Variants in TTN observed in about 807,000 individuals in gnomAD.
The protein encoded by TTN is titin, also known as connectin.
A neutral mutation model predicts 3,223.0 loss-of-function variants in TTN; 1,525 were observed. The observed-to-expected ratio is 0.47, with a 90% confidence interval of 0.45 to 0.49. The LOEUF is 0.49. TTN is among the 20% of genes least tolerant of loss of function. The probability of loss-of-function intolerance (pLI) is 0.00; values close to 1 mark genes in which losing one functional copy is unlikely to be tolerated. For synonymous variants in TTN, 14,094 were observed against 15,161.0 expected (o/e 0.93, Z 5.17); for missense variants, 40,786 against 43,424.0 (o/e 0.94, Z 5.40).
Position 178,599,147 on chromosome 2 carries a change from G to C in TTN, c.56646C>G (p.Phe18882Leu), listed in dbSNP as rs750861819. 1.3e-6 allele frequency: 2 copies of C among 1,508,548 alleles called. No homozygotes were observed. Among genetic ancestry groups the C allele is most frequent in the Non-Finnish European group, 1.8e-6 (2 of 1,132,428 alleles). 93.4% of individuals were successfully genotyped at this position (1,508,548 alleles called of 1,614,324 possible). A position where few individuals can be genotyped will look rare whatever the true frequency, so the allele number is the denominator to read the frequency against. ...ATGTGAAAATGTTCTCCTACTTACA[G>C]AAGAGGTTTCTTGCTGTTTCAGGTT... ...DSEPETARNL[F>L]SVPGAPDKPT... The change falls in exon 290 of 363, where the codon TTC becomes TTG. Residue 18882 changes from phenylalanine to leucine, a missense_variant and splice_region_variant. Coordinates refer to ENST00000589042, the MANE Select transcript of TTN (RefSeq NM_001267550.2).
Position 178,795,248 on chromosome 2 carries a change from C to T in TTN, c.919G>A (p.Val307Met), listed in dbSNP as rs371056974. The T allele has an allele frequency of 2.7e-5, 43 of 1,613,936 alleles. No individual in the cohort carries two copies. Among genetic ancestry groups the T allele is most frequent in the Admixed American group, 1.0e-4 (6 of 60,000 alleles). The change falls in exon 7 of 363, where the codon GTG becomes ATG. Residue 307 changes from valine (V) to methionine (M), a missense_variant. Physicochemically the swap from Val to Met is conservative, Grantham distance 21. Coordinates refer to ENST00000589042, the MANE Select transcript of TTN (RefSeq NM_001267550.2). ...GTGGAGATTCTTGCTGCTGGAGACA[C>T]GGACCTGAAAACCAAAAGGCAGAGG... is the stretch of plus-strand genomic sequence containing the variant. Reference protein sequence around the residue: ...RAPTPSPVRSVSPAARISTSP... With the variant: ...RAPTPSPVRSMSPAARISTSP...
Position 178,714,105 on chromosome 2 carries a change from A to G in TTN, c.26553T>C (p.Cys8851=), listed in dbSNP as rs1553895388. 1.9e-6 allele frequency: 3 copies of G among 1,613,746 alleles called. No homozygotes were observed. Among genetic ancestry groups the G allele is most frequent in the East Asian group, 2.2e-5 (1 of 44,858 alleles). ...TGAGTTCAGGGGTGCCAGCTACTGT[A>G]CACTCCAAGGTACAGGTGTCTCCCG... The part of the protein sequence containing the change: ...VTTGDTCTLE[C]TVAGTPELST... Residue 8851 remains cysteine (C), a synonymous_variant, in exon 92 of 363, where the codon TGT becomes TGC. Coordinates refer to ENST00000589042, the MANE Select transcript of TTN (RefSeq NM_001267550.2).
rs1466390296 is a variant in TTN, at chr2:178,539,707, G to T, written c.98358C>A (p.Val32786=). ...VLENKCGKKA[V]YIKVRVIGSP... ...TTCCTATCACCCTGACCTTGATGTA[G>T]ACAGCCTTCTTGCCACATTTATTTT... Residue 32786 remains valine, a synonymous_variant, in exon 352 of 363, where the codon GTC becomes GTA. Transcript: ENST00000589042. The T allele has an allele frequency of 4.3e-6, 7 of 1,613,764 alleles. No individual in the cohort carries two copies. The South Asian group carries it at 7.7e-5, about 18-fold the overall frequency.
chr2:178,746,948 G>C (rs765715963), intron 47 of TTN: 18 of 1,613,532 alleles, frequency 1.1e-5, no homozygotes, highest in Admixed American at 1.7e-5. Context: ...CTCTTCTGTA[G>C]GTGTGTAGAA....
chr2:178,723,268 T>C lies in TTN; in HGVS notation c.21739A>G (p.Ile7247Val). 6.2e-7 allele frequency: 1 copy of C among 1,613,566 alleles called. No individual in the cohort carries two copies. Among genetic ancestry groups the C allele is most frequent in the Non-Finnish European group, 8.5e-7 (1 of 1,179,648 alleles). ...SDHSVEPGKS[I>V]ILESTYTGTL... is the part of the protein sequence containing the mutation. The stretch of plus-strand genomic sequence containing the variant: ...CCAGTGTAGGTGCTCTCCAGAATTA[T>C]GGACTTCCCTGGTTCTACAGAATGA... Residue 7247 changes from isoleucine to valine, a missense_variant, in exon 75 of 363, where the codon ATA becomes GTA. Physicochemically the swap from Ile to Val is conservative, Grantham distance 29. Coordinates refer to ENST00000589042, the MANE Select transcript of TTN (RefSeq NM_001267550.2).
At position 178,572,445 on chromosome 2, in the gene TTN, T is replaced by C; in HGVS notation, c.73687A>G (p.Arg24563Gly). Residue 24563 changes from arginine to glycine, a missense_variant, in exon 326 of 363, where the codon AGA (arginine) becomes GGA (glycine). Arg to Gly is a moderately radical substitution (Grantham distance 125). Coordinates refer to ENST00000589042, the MANE Select transcript of TTN (RefSeq NM_001267550.2). Reference sequence around the variant, plus strand: ...GTTGCAACAGTTGAATATGCTTTTCTTGTTGATTCCCGCTTTTCAACAATA... The same window carrying C: ...GTTGCAACAGTTGAATATGCTTTTCCTGTTGATTCCCGCTTTTCAACAATA... ...NYIVEKREST[R>G]KAYSTVATNC... is the part of the protein sequence containing the mutation. 6.2e-7 allele frequency: 1 copy of C among 1,612,604 alleles called. No homozygotes were observed. Among genetic ancestry groups the C allele is most frequent in the Non-Finnish European group, 8.5e-7 (1 of 1,178,904 alleles).
Position 178,751,319 on chromosome 2 carries a change from A to G in TTN, c.11311+1805T>C, listed in dbSNP as rs376765408. 3.7e-6 allele frequency: 6 copies of G among 1,610,308 alleles called. 1 individual carries two copies. Among genetic ancestry groups the G allele is most frequent in the Middle Eastern group, 3.3e-4 (2 of 6,050 alleles). ...CAACTTCACTTTGGTCTCCTTGTCC[A>G]GGAAACTTTCACCTACATTAAGCCA... On this transcript the variant is annotated intron_variant, in intron 47 of 362. Coordinates refer to ENST00000589042, the MANE Select transcript of TTN (RefSeq NM_001267550.2).
At position 178,682,776 on chromosome 2, in the gene TTN, T is replaced by G. The variant is rs369298371; in HGVS notation, c.33015A>C (p.Pro11005=). 7.1e-5 allele frequency: 114 copies of G among 1,612,990 alleles called. No homozygotes were observed. The highest frequency in any genetic ancestry group is 8.9e-5 in the Non-Finnish European group (105 of 1,179,298). ...YDYKEFEEYE[P]TEEYDQYEEY... Reference sequence around the variant, plus strand: ...CTTCATATTGGTCATATTCTTCTGTTGGTTCATACTCCTCAAATTCTTTAT... The same window carrying G: ...CTTCATATTGGTCATATTCTTCTGTGGGTTCATACTCCTCAAATTCTTTAT... Residue 11005 remains proline (P), a synonymous_variant, in exon 135 of 363, where the codon CCA becomes CCC. Coordinates refer to ENST00000589042, the MANE Select transcript of TTN (RefSeq NM_001267550.2).
rs1458342205 is a variant in TTN at position 178,686,496 on chromosome 2, T to C, written c.32312-898A>G. ...GCAGTGGTGTAATCACAGCTCACTGTAACCTCGAACTCCTGGGTTCAAATG... is the reference window on the plus strand; with the variant it reads ...GCAGTGGTGTAATCACAGCTCACTGCAACCTCGAACTCCTGGGTTCAAATG... On this transcript the variant is annotated intron_variant, in intron 127 of 362. Transcript: ENST00000589042. 2.0e-5 allele frequency among the ~76,000 whole-genome samples: 3 copies of C among 152,030 alleles called. No homozygotes were observed. The East Asian group carries it at 5.8e-4, about 29-fold the overall frequency.
At position 178,733,890 on chromosome 2, in the gene TTN, G is replaced by A; in HGVS notation, c.15499C>T (p.Pro5167Ser). 2 of 1,586,818 alleles carry A rather than the reference G, an allele frequency of 1.3e-6. No individual in the cohort carries two copies. Among genetic ancestry groups the A allele is most frequent in the Non-Finnish European group, 1.7e-6 (2 of 1,163,940 alleles). ...GCMATHLLKE[P>S]PTFVKKVDDL... The stretch of plus-strand genomic sequence containing the variant: ...TCTACTTTCTTTACAAAGGTTGGAG[G>A]TTCTAGTTAAGGAAAGAGAGCATAT... The change falls in exon 53 of 363, where the codon CCT (proline) becomes TCT (serine). Residue 5167 changes from proline (P) to serine (S), a missense_variant and splice_region_variant. By Grantham distance (74) the Pro-to-Ser change is moderately conservative (BLOSUM62 -1). Transcript: ENST00000589042.
At position 178,546,485 on chromosome 2, in the gene TTN, G is replaced by A. The variant is rs72648255; in HGVS notation, c.94846C>T (p.Leu31616=). 3,371 of 1,612,084 alleles carry A rather than the reference G, an allele frequency of 2.1e-3. 8 individuals carry two copies. The highest frequency in any genetic ancestry group is 2.6e-3 in the Non-Finnish European group (3,083 of 1,178,522). The change falls in exon 342 of 363, where the codon CTG becomes TTG. Residue 31616 remains leucine (L), a synonymous_variant. Coordinates refer to ENST00000589042, the MANE Select transcript of TTN (RefSeq NM_001267550.2). ...AGATCACCGTGTAATCGGGCATCCA[G>A]TTCGGCTTTGGGTGGAGCTGTCAGT... The part of the protein sequence containing the change: ...RDEYAPPKAE[L]DARLHGDLVT...
At chr2:178,627,533 A>G (rs1055922537) in intron 240 of TTN, among the ~76,000 whole-genome samples, 7 of 152,038 alleles carry the variant, frequency 4.6e-5, no homozygotes, top group Non-Finnish European at 1.5e-5. Context: ...CAAGTTCACA[A>G]AAGGCTAAGG....
At chr2:178,595,196 C>T (rs1031486522) in intron 295 of TTN, among the ~76,000 whole-genome samples, 3 of 151,762 alleles carry the variant, frequency 2.0e-5, no homozygotes, top group Admixed American at 2.0e-4. Flanking sequence ...ACTTGAACCT[C>T]AGAGGTGGAG....
At chr2:178,646,622 C>A (rs2062044324) in intron 215 of TTN, 63 bp from the exon 216 acceptor site, 2 of 890,840 alleles carry the variant, frequency 2.2e-6, no homozygotes, top group Non-Finnish European at 1.8e-6. Context: ...AAGACTCATA[C>A]AAATTTCACA....
At chr2:178,652,020 T>G (rs2063081306) in intron 204 of TTN, 53 bp from the exon 205 acceptor site, 1 of 1,610,678 alleles carries the variant, frequency 6.2e-7, no homozygotes, top group African/African-American at 1.3e-5. Context: ...ACTGAGATAG[T>G]TTGCAAAAAA....
rs2154168088 is a variant in TTN, at chr2:178,569,843, A to G, written c.76289T>C (p.Ile25430Thr). 4 of 1,613,484 alleles carry G rather than the reference A, an allele frequency of 2.5e-6. No homozygotes were observed. The highest frequency in any genetic ancestry group is 2.7e-5 in the African/African-American group (2 of 74,994). Residue 25430 changes from isoleucine (I) to threonine (T), a missense_variant, in exon 326 of 363, where the codon ATA becomes ACA. Coordinates refer to ENST00000589042, the MANE Select transcript of TTN (RefSeq NM_001267550.2). ...SSVFLSWSKP[I>T]YDGGCEIQGY... ...TTGAATTTCACAGCCACCATCATAT[A>G]TTGGTTTGCTCCAAGAAAGGAATAC...
chr2:178,775,732 C>T lies in TTN; in HGVS notation c.6132G>A (p.Glu2044=). 1 of 1,614,084 alleles carries T rather than the reference C, an allele frequency of 6.2e-7. No individual in the cohort carries two copies. Among genetic ancestry groups the T allele is most frequent in the Non-Finnish European group, 8.5e-7 (1 of 1,180,004 alleles). Residue 2044 remains glutamate, a synonymous_variant, in exon 28 of 363, where the codon GAG becomes GAA. Coordinates refer to ENST00000589042, the MANE Select transcript of TTN (RefSeq NM_001267550.2). ...GAGCTTTCTTTTCCTCTTCAGTTAA[C>T]TCTTTGGTCCAGTGGAGAAGTTCAT... ...TKDELLHWTK[E]LTEEEKKALA... is the part of the protein sequence containing the mutation.
rs762591215 is a variant in TTN, at chr2:178,592,036, C to T, written c.59868G>A (p.Gln19956=). ...TTTCAACAAAAGGACCACGTCCATA[C>T]TGGTTCTCCGCAGCTACTCGGAAGA... ...QYLFRVAAEN[Q]YGRGPFVETP... is the part of the protein sequence containing the mutation. The change falls in exon 302 of 363, where the codon CAG becomes CAA. Residue 19956 remains glutamine, a synonymous_variant. Transcript: ENST00000589042. 1.9e-6 allele frequency: 3 copies of T among 1,613,118 alleles called. No individual in the cohort carries two copies. Among genetic ancestry groups the T allele is most frequent in the South Asian group, 2.2e-5 (2 of 91,050 alleles).
At chr2:178,748,079 T>A in intron 47 of TTN, 2 of 1,613,082 alleles carry the variant, frequency 1.2e-6, no homozygotes, top group Non-Finnish European at 1.7e-6. Flanking sequence ...CCCTAAAGGC[T>A]TTTCCTCACT....
Sources: gnomAD v4.1 joint callset for allele counts (sites outside exome capture counted in the v4.1 genomes callset) on GRCh38, gnomAD v4.1.1 for gene constraint, MANE v1.5 for transcripts, NCBI Gene and HGNC (gene_info 2026-07-23, HGNC 2026-07-21) for gene names.